Variants in PRR16 observed in about 807,000 individuals in gnomAD.
PRR16 encodes protein Largen.
In PRR16, 6 loss-of-function variants were observed where a neutral mutation model predicts 18.2. The ratio of observed to expected loss-of-function variants is 0.33; its 90% CI spans 0.18 to 0.65. The LOEUF (loss-of-function observed/expected upper bound fraction) is 0.65, where lower values mean the gene tolerates loss of function less well. PRR16 is among the 30% of genes least tolerant of loss of function. The probability of loss-of-function intolerance (pLI) is 0.74; values close to 1 mark genes in which losing one functional copy is unlikely to be tolerated. For missense variants in PRR16, 412 were observed against 376.6 expected (o/e 1.09, Z -0.78); for synonymous variants, 151 against 147.8 (o/e 1.02, Z -0.16).
chr5:120,474,862 C>G (rs1306382105), intron 1 of PRR16, among the ~76,000 whole-genome samples: 1 of 152,186 alleles, frequency 6.6e-6, no homozygotes, highest in Non-Finnish European at 1.5e-5. Flanking sequence ...TGCTTGTCTT[C>G]TTGCCAGTTA....
intron 1 of PRR16, among the ~76,000 whole-genome samples, chr5:120,492,658 AC>A (rs1381285052): frequency 1.3e-5 from 2 of 151,962 alleles, no homozygotes; most frequent in African/African-American, 4.8e-5. Flanking sequence ...ATTTTAGTGC[AC>A]CCATCACCTG....
chr5:120,601,023 G>A (rs1322503756), intron 1 of PRR16, among the ~76,000 whole-genome samples: 1 of 151,948 alleles, frequency 6.6e-6, no homozygotes, highest in Non-Finnish European at 1.5e-5. Flanking sequence ...GAATAGAGCT[G>A]CAATGAATAT....
intron 1 of PRR16, among the ~76,000 whole-genome samples, chr5:120,504,078 G>T (rs1750561011): frequency 6.6e-6 from 1 of 151,062 alleles, no homozygotes; most frequent in East Asian, 2.0e-4. Context: ...CAATGTGCAG[G>T]TTAGTTACAT....
chr5:120,788,652 G>C, the PRR16 span, among the ~76,000 whole-genome samples: 1 of 152,016 alleles, frequency 6.6e-6, no homozygotes, highest in Non-Finnish European at 1.5e-5. Context: ...GTTCCAAACA[G>C]GCTTTTCCAC....
chr5:120,669,389 C>G (rs556818589), intron 1 of PRR16, among the ~76,000 whole-genome samples: 5 of 152,018 alleles, frequency 3.3e-5, no homozygotes, highest in Non-Finnish European at 5.9e-5. Context: ...TCTACTTTGT[C>G]ATGTATTTGA....
At chr5:120,485,040 AT>A (rs1174886043) in intron 1 of PRR16, among the ~76,000 whole-genome samples, 1 of 151,960 alleles carries the variant, frequency 6.6e-6, no homozygotes, top group African/African-American at 2.4e-5. Context: ...TTGGAAAGTA[AT>A]CTTTACTCTG....
At chr5:120,615,227 C>T (rs1754466639) in intron 1 of PRR16, among the ~76,000 whole-genome samples, 1 of 152,074 alleles carries the variant, frequency 6.6e-6, no homozygotes, top group Non-Finnish European at 1.5e-5. Context: ...AAGTACCTTG[C>T]CTGGGATTAC....
At position 120,501,824 on chromosome 5, in the gene PRR16, C is replaced by T. The variant is rs570119516; in HGVS notation, c.159+37179C>T. Among the ~76,000 whole-genome samples, 3 of 151,582 alleles carry T rather than the reference C, an allele frequency of 2.0e-5. No individual in the cohort carries two copies. The East Asian group carries it at 5.8e-4, about 30-fold the overall frequency. ...ACAAAAAATTAGCCGGGCGTGGTGG[C>T]GGGTGCCTGTAGTCCCAGCTACTCA... On this transcript the variant is annotated intron_variant, in intron 1 of 1. Transcript: ENST00000407149.
intron 1 of PRR16, among the ~76,000 whole-genome samples, chr5:120,645,348 A>T (rs940041128): frequency 4.6e-5 from 7 of 151,760 alleles, no homozygotes; most frequent in African/African-American, 1.5e-4. Flanking sequence ...ACACACACAC[A>T]CACAGACATG....
intron 1 of PRR16, among the ~76,000 whole-genome samples, chr5:120,648,175 T>C (rs1755658656): frequency 6.6e-6 from 1 of 152,228 alleles, no homozygotes; most frequent in South Asian, 2.1e-4. Flanking sequence ...CACTAGATGT[T>C]TTTAAATCAT....
intron 1 of PRR16, among the ~76,000 whole-genome samples, chr5:120,631,546 C>T (rs1284340320): frequency 6.6e-6 from 1 of 152,078 alleles, no homozygotes; most frequent in African/African-American, 2.4e-5. Context: ...TGGGATGAGG[C>T]TGGTGACTGC....
intron 1 of PRR16, among the ~76,000 whole-genome samples, chr5:120,565,395 A>T (rs1186101859): frequency 6.6e-6 from 1 of 152,208 alleles, no homozygotes; most frequent in Non-Finnish European, 1.5e-5. Flanking sequence ...TGTCATTGAG[A>T]TGAGATGAAA....
rs897344081 is a variant in PRR16, at chr5:120,516,515, G to C, written c.159+51870G>C. On this transcript the variant is annotated intron_variant, in intron 1 of 1. Transcript: ENST00000407149. ...CACACACACACACACACACACACAC[G>C]CATATACATTAACAATTAGAAGGCA... 9.6e-4 allele frequency among the ~76,000 whole-genome samples: 112 copies of C among 117,268 alleles called. 1 individual carries two copies. Among genetic ancestry groups the C allele is most frequent in the African/African-American group, 3.5e-3 (108 of 30,922 alleles). The allele number at this position is 117,268 out of a possible 152,430, so 76.9% of individuals were successfully genotyped here.
chr5:120,667,009 G>A (rs1168989377), intron 1 of PRR16, among the ~76,000 whole-genome samples: 2 of 149,870 alleles, frequency 1.3e-5, no homozygotes, highest in Non-Finnish European at 3.0e-5. Flanking sequence ...TTTTTCTATT[G>A]ATTGGAATAG....
At chr5:120,714,312 C>T in the PRR16 span, among the ~76,000 whole-genome samples, 1 of 152,076 alleles carries the variant, frequency 6.6e-6, no homozygotes, top group Non-Finnish European at 1.5e-5. Context: ...TGATCAAAAT[C>T]ACCTTTTGCC....
chr5:120,542,893 A>G (rs1479518841), intron 1 of PRR16, among the ~76,000 whole-genome samples: 1 of 152,186 alleles, frequency 6.6e-6, no homozygotes, highest in Non-Finnish European at 1.5e-5. Flanking sequence ...AAGAATAGAA[A>G]TAATACAGTC....
At chr5:120,753,852 T>C in the PRR16 span, among the ~76,000 whole-genome samples, 1 of 109,878 alleles carries the variant, frequency 9.1e-6, no homozygotes, top group Non-Finnish European at 1.8e-5. Flanking sequence ...TTATATATTA[T>C]ATATAATATC....
intron 1 of PRR16, among the ~76,000 whole-genome samples, chr5:120,568,708 G>A (rs376008124): frequency 2.6e-5 from 4 of 151,872 alleles, no homozygotes; most frequent in African/African-American, 9.7e-5. Context: ...CACATTCTTT[G>A]GTAATTATAA....
rs530206708 is a variant in PRR16, at chr5:120,501,739, A to G, written c.159+37094A>G. Among the ~76,000 whole-genome samples the G allele has an allele frequency of 4.3e-3, 646 of 151,966 alleles. 2 individuals are homozygous for G. The highest frequency in any genetic ancestry group is 7.0e-3 in the Non-Finnish European group (477 of 67,938). Reference sequence around the variant, plus strand: ...TGGGAGGCTGAGGCGGGCAGATCACAAGGTCAGGAGACTGAGACCATCCTG... The same window carrying G: ...TGGGAGGCTGAGGCGGGCAGATCACGAGGTCAGGAGACTGAGACCATCCTG... On this transcript the variant is annotated intron_variant, in intron 1 of 1. Coordinates refer to ENST00000407149, the MANE Select transcript of PRR16 (RefSeq NM_001300783.2).
Sources: gnomAD v4.1 joint callset for allele counts (sites outside exome capture counted in the v4.1 genomes callset) on GRCh38, gnomAD v4.1.1 for gene constraint, MANE v1.5 for transcripts, NCBI Gene and HGNC (gene_info 2026-07-23, HGNC 2026-07-21) for gene names.